CBFA2T3: variants seen among roughly 807,000 people sequenced by gnomAD.
CBFA2T3 encodes transcriptional corepressor CBFA2T3.
A neutral mutation model predicts 58.6 loss-of-function variants in CBFA2T3; 31 were observed. The ratio of observed to expected loss-of-function variants is 0.53; its 90% CI spans 0.40 to 0.71. The LOEUF is 0.71. Ranked by LOEUF, CBFA2T3 falls within the 30% of genes least tolerant of loss-of-function variation. The pLI is 0.00. For synonymous variants in CBFA2T3, 531 were observed against 421.9 expected, an observed-to-expected ratio of 1.26 and a Z score of -3.17; for missense variants, 1,076 against 963.1, an observed-to-expected ratio of 1.12 and a Z score of -1.55.
At chr16:88,948,092 C>A (rs1265335943) in intron 1 of CBFA2T3, among the ~76,000 whole-genome samples, 1 of 152,304 alleles carries the variant, frequency 6.6e-6, no homozygotes, top group East Asian at 1.9e-4. Flanking sequence ...GCCAGAGAAT[C>A]TTCAGTCCCA....
At chr16:88,905,753 G>A (rs1282999742) in intron 1 of CBFA2T3, among the ~76,000 whole-genome samples, 1 of 135,906 alleles carries the variant, frequency 7.4e-6, no homozygotes, top group African/African-American at 2.9e-5. Flanking sequence ...GAGGGGCGGG[G>A]CTGAAGGACG....
At chr16:88,932,638 C>A (rs1232556621) in intron 1 of CBFA2T3, among the ~76,000 whole-genome samples, 3 of 149,768 alleles carry the variant, frequency 2.0e-5, no homozygotes, top group Admixed American at 6.6e-5. Context: ...TAGAGGGAGA[C>A]CCCGACTATA....
chr16:88,889,557 C>T (rs1969539590), intron 5 of CBFA2T3, among the ~76,000 whole-genome samples: 1 of 151,958 alleles, frequency 6.6e-6, no homozygotes, highest in South Asian at 2.1e-4. Context: ...AGCCCTGGCG[C>T]CCTCTCTCCA....
intron 1 of CBFA2T3, among the ~76,000 whole-genome samples, chr16:88,906,951 C>T (rs746228332): frequency 2.6e-5 from 4 of 152,198 alleles, no homozygotes; most frequent in African/African-American, 4.8e-5. Context: ...GACGCTGGCT[C>T]GTACTGGAGG....
chr16:88,905,253 G>A (rs1433760423), intron 1 of CBFA2T3, among the ~76,000 whole-genome samples: 1 of 152,050 alleles, frequency 6.6e-6, no homozygotes, highest in Admixed American at 6.6e-5. Flanking sequence ...CACTGTACAT[G>A]GGGCTTCACC....
intron 1 of CBFA2T3, among the ~76,000 whole-genome samples, chr16:88,922,581 T>C (rs561732): frequency 0.37 from 56,473 of 152,146 alleles, 10,918 homozygotes; most frequent in African/African-American, 0.48. Flanking sequence ...GCCTCTCCTA[T>C]CCCACGCCAG....
At chr16:88,934,317 AGG>A (rs1159232167) in intron 1 of CBFA2T3, among the ~76,000 whole-genome samples, 3 of 152,252 alleles carry the variant, frequency 2.0e-5, no homozygotes, top group Middle Eastern at 3.2e-3. Flanking sequence ...TTGGGCCCAT[AGG>A]GGAGGCTCCA....
At chr16:88,893,622 G>A (rs1969742298) in intron 3 of CBFA2T3, among the ~76,000 whole-genome samples, 2 of 152,198 alleles carry the variant, frequency 1.3e-5, no homozygotes, top group South Asian at 4.1e-4. Flanking sequence ...TTGAGGACAA[G>A]CAGGTGACAT....
intron 2 of CBFA2T3, 72 bp from the exon 3 acceptor site, chr16:88,898,224 G>A (rs1466119301): frequency 3.7e-5 from 43 of 1,177,060 alleles, no homozygotes; most frequent in Middle Eastern, 2.5e-4. Context: ...AGGGGCGCCC[G>A]CGGCCACCTT....
intron 5 of CBFA2T3, among the ~76,000 whole-genome samples, chr16:88,887,764 C>T (rs1002125927): frequency 1.3e-5 from 2 of 152,182 alleles, no homozygotes; most frequent in African/African-American, 4.8e-5. Flanking sequence ...GCTACACACA[C>T]TGAGCTGGTC....
chr16:88,927,480 CCTGTT>C (rs1200627916), intron 1 of CBFA2T3, among the ~76,000 whole-genome samples: 1 of 152,204 alleles, frequency 6.6e-6, no homozygotes, highest in African/African-American at 2.4e-5. Context: ...GGTGGGTCCA[CCTGTT>C]CTCCTCCAGG....
intron 1 of CBFA2T3, among the ~76,000 whole-genome samples, chr16:88,963,614 A>G (rs1485876210): frequency 6.6e-6 from 1 of 152,174 alleles, no homozygotes; most frequent in Admixed American, 6.5e-5. Flanking sequence ...ACATTCCATA[A>G]AATGGGACCA....
intron 7 of CBFA2T3, chr16:88,883,499 T>G (rs1406490136): frequency 1.3e-5 from 2 of 152,350 alleles, no homozygotes; most frequent in Non-Finnish European, 2.9e-5. Flanking sequence ...TGTCTAAGGT[T>G]TTTCCCTTTT....
chr16:88,910,830 G>A (rs942928808), intron 1 of CBFA2T3, among the ~76,000 whole-genome samples: 1 of 152,158 alleles, frequency 6.6e-6, no homozygotes, highest in African/African-American at 2.4e-5. Context: ...AGGACAGTGG[G>A]TGTCCCCCCA....
intron 8 of CBFA2T3, 101 bp downstream of exon 8, chr16:88,882,575 G>T (rs878878805): frequency 2.0e-5 from 8 of 406,866 alleles, no homozygotes; most frequent in South Asian, 8.1e-5. Context: ...CATGGCTGTG[G>T]GCGTGGCTGT....
rs146414900 is a variant in CBFA2T3 at position 88,892,439 on chromosome 16, C to A, written c.426G>T (p.Pro142=). 6.2e-7 allele frequency: 1 copy of A among 1,613,202 alleles called. No homozygotes were observed. The highest frequency in any genetic ancestry group is 1.3e-5 in the African/African-American group (1 of 74,918). ...CATTGCTGAAGCCGTTGGGTGTGCA[C>A]GGTGCACCATTGATGGCTGTTGGTG... is the stretch of plus-strand genomic sequence containing the variant. ...SHSPTAINGA[P]CTPNGFSNGP... Residue 142 remains proline (P), a synonymous_variant, in exon 4 of 12, where the codon CCG becomes CCT. Coordinates refer to ENST00000268679, the MANE Select transcript of CBFA2T3 (RefSeq NM_005187.6).
At chr16:88,928,232 G>A (rs1971150007) in intron 1 of CBFA2T3, among the ~76,000 whole-genome samples, 1 of 152,240 alleles carries the variant, frequency 6.6e-6, no homozygotes, top group South Asian at 2.1e-4. Flanking sequence ...GGGGCCCGGG[G>A]CAGCTTCTTG....
At chr16:88,956,455 A>C (rs1300299128) in intron 1 of CBFA2T3, among the ~76,000 whole-genome samples, 1 of 152,250 alleles carries the variant, frequency 6.6e-6, no homozygotes, top group Non-Finnish European at 1.5e-5. Flanking sequence ...AGAGCCCAGC[A>C]GCTCCCGGAG....
chr16:88,926,738 G>A (rs1333953704), intron 1 of CBFA2T3, among the ~76,000 whole-genome samples: 1 of 152,216 alleles, frequency 6.6e-6, no homozygotes, highest in African/African-American at 2.4e-5. Context: ...GCTGTAAGAC[G>A]GGACGGAGGT....
Sources: gnomAD v4.1 joint callset for allele counts (sites outside exome capture counted in the v4.1 genomes callset) on GRCh38, gnomAD v4.1.1 for gene constraint, MANE v1.5 for transcripts, NCBI Gene and HGNC (gene_info 2026-07-23, HGNC 2026-07-21) for gene names.